The following GRIK3 variants were observed in gnomAD, a reference collection of about 807,000 sequenced individuals.
GRIK3 encodes glutamate ionotropic receptor kainate type subunit 3.
In GRIK3, 29 loss-of-function variants were observed where a neutral mutation model predicts 102.5. The observed-to-expected ratio is 0.28, with a 90% CI of 0.21 to 0.39. GRIK3 has a LOEUF of 0.39. GRIK3 is among the 10% of genes least tolerant of loss of function. The pLI, the probability that GRIK3 is intolerant of heterozygous loss-of-function variation, is 1.00. For synonymous variants in GRIK3, 511 were observed against 504.9 expected (o/e 1.01, Z -0.16); for missense variants, 908 against 1,252.4 (o/e 0.73, Z 4.15).
At chr1:36,896,957 A>G (rs914876745) in intron 1 of GRIK3, among the ~76,000 whole-genome samples, 10 of 152,208 alleles carry the variant, frequency 6.6e-5, no homozygotes, top group Non-Finnish European at 2.9e-5. Context: ...ACTATTCATG[A>G]TAAAAGACAC....
chr1:36,912,947 C>T (rs4653231), intron 1 of GRIK3, among the ~76,000 whole-genome samples: 1 of 152,192 alleles, frequency 6.6e-6, no homozygotes, highest in Admixed American at 6.5e-5. Flanking sequence ...ATCTCTCAGA[C>T]CATCTGTAAT....
intron 10 of GRIK3, among the ~76,000 whole-genome samples, chr1:36,832,090 GCTC>G (rs1444255523): frequency 6.9e-5 from 8 of 116,516 alleles, no homozygotes; most frequent in African/African-American, 2.6e-4. Flanking sequence ...CTGCTCTACT[GCTC>G]TCATCGCACC....
chr1:36,844,874 G>A (rs565365196), intron 9 of GRIK3, among the ~76,000 whole-genome samples: 1 of 152,266 alleles, frequency 6.6e-6, no homozygotes, highest in South Asian at 2.1e-4. Flanking sequence ...GTTGATAGCG[G>A]AAAACCATTT....
intron 9 of GRIK3, among the ~76,000 whole-genome samples, chr1:36,845,424 T>G (rs1349447352): frequency 6.6e-6 from 1 of 152,178 alleles, no homozygotes; most frequent in East Asian, 1.9e-4. Flanking sequence ...GGGCTCTTGG[T>G]CCGGTTTCTC....
intron 1 of GRIK3, among the ~76,000 whole-genome samples, chr1:36,977,881 A>C (rs992591568): frequency 3.9e-5 from 6 of 152,226 alleles, no homozygotes; most frequent in African/African-American, 1.4e-4. Flanking sequence ...GAGGCCCCAG[A>C]ACTCCATGTG....
chr1:36,806,355 A>C lies in GRIK3; in HGVS notation c.2092-29T>G. 1 of 1,462,306 alleles carries C rather than the reference A, an allele frequency of 6.8e-7. No individual in the cohort carries two copies. The highest frequency in any genetic ancestry group is 9.5e-7 in the Non-Finnish European group (1 of 1,047,430). The allele number at this position is 1,462,306 out of a possible 1,614,324, so 90.6% of individuals were successfully genotyped here. ...GGCCGTGAGGGAAGGGGTGATGCAC[A>C]CACCGTTACTAGGCGCACCAGGGAC... On this transcript the variant is annotated intron_variant, in intron 13 of 15. Transcript: ENST00000373091. The surrounding 1 kb of genome is among the most constrained non-coding windows in gnomAD (Gnocchi z 4.0).
intron 8 of GRIK3, among the ~76,000 whole-genome samples, chr1:36,853,178 G>A (rs1166585811): frequency 6.6e-6 from 1 of 152,214 alleles, no homozygotes; most frequent in African/African-American, 2.4e-5. Flanking sequence ...GTGACAGTGA[G>A]CTCACTACTC....
chr1:36,883,787 T>C (rs1452761041), intron 2 of GRIK3, among the ~76,000 whole-genome samples: 1 of 152,200 alleles, frequency 6.6e-6, no homozygotes, highest in African/African-American at 2.4e-5. Context: ...TTGATCCAGA[T>C]TGATCCAGAG....
chr1:36,914,090 G>A (rs1488264419), intron 1 of GRIK3, among the ~76,000 whole-genome samples: 5 of 152,210 alleles, frequency 3.3e-5, no homozygotes, highest in African/African-American at 2.4e-5. Context: ...CCACGGTGCC[G>A]GGGCAGGTGT....
At chr1:37,014,890 TCTC>T (rs1642637625) in intron 1 of GRIK3, among the ~76,000 whole-genome samples, 1 of 150,962 alleles carries the variant, frequency 6.6e-6, no homozygotes, top group African/African-American at 2.4e-5. Flanking sequence ...TCTATTCTCT[TCTC>T]TCTCTCTATC....
chr1:36,989,836 C>T (rs149875850), intron 1 of GRIK3, among the ~76,000 whole-genome samples: 501 of 152,352 alleles, frequency 3.3e-3, no homozygotes, highest in Admixed American at 5.4e-3. Context: ...ACCAACAATA[C>T]AGTGATAACC....
chr1:36,998,734 C>T (rs750152565), intron 1 of GRIK3, among the ~76,000 whole-genome samples: 1 of 152,174 alleles, frequency 6.6e-6, no homozygotes, highest in South Asian at 2.1e-4. Context: ...TTGCTCTTCC[C>T]AGGGTCCCAT....
intron 1 of GRIK3, among the ~76,000 whole-genome samples, chr1:36,955,042 T>C (rs998110302): frequency 6.6e-6 from 1 of 152,180 alleles, no homozygotes; most frequent in Non-Finnish European, 1.5e-5. Flanking sequence ...CTATAAGTGG[T>C]GTCAGGGTGG....
Position 36,850,789 on chromosome 1 carries a change from G to T in GRIK3, c.1213-365C>A, listed in dbSNP as rs1640575896. Among the ~76,000 whole-genome samples, 1 of 152,220 alleles carries T rather than the reference G, an allele frequency of 6.6e-6. No individual in the cohort carries two copies. Among genetic ancestry groups the T allele is most frequent in the Non-Finnish European group, 1.5e-5 (1 of 68,044 alleles). ...GGGCTGGAGGGAATCAGGGGTCTAT[G>T]GTCAGTGCCAGGTCTTGCCCTGGGA... On this transcript the variant is annotated intron_variant, in intron 8 of 15. Coordinates refer to ENST00000373091, the MANE Select transcript of GRIK3 (RefSeq NM_000831.4). This position sits in a 1 kb window ranked among gnomAD's most constrained non-coding sequence, Gnocchi z 4.0.
chr1:36,936,491 G>T (rs1043357037), intron 1 of GRIK3, among the ~76,000 whole-genome samples: 32 of 152,304 alleles, frequency 2.1e-4, no homozygotes, highest in African/African-American at 7.2e-4. Context: ...GTATGAGTTT[G>T]CCAGAAGCCA....
chr1:37,001,320 C>G (rs974491578), intron 1 of GRIK3, among the ~76,000 whole-genome samples: 3 of 152,166 alleles, frequency 2.0e-5, no homozygotes, highest in Non-Finnish European at 4.4e-5. Context: ...AAGCAAAAAT[C>G]AATTGTATTT....
At chr1:36,927,053 TAA>T (rs978423216) in intron 1 of GRIK3, among the ~76,000 whole-genome samples, 1 of 152,182 alleles carries the variant, frequency 6.6e-6, no homozygotes, top group African/African-American at 2.4e-5. Context: ...CATACACAAA[TAA>T]AGTGTCATGT....
intron 1 of GRIK3, among the ~76,000 whole-genome samples, chr1:37,008,807 G>A (rs1642558342): frequency 6.6e-6 from 1 of 152,208 alleles, no homozygotes; most frequent in Non-Finnish European, 1.5e-5. Context: ...AAATGCCAGG[G>A]AGATGAATGG....
chr1:36,889,456 G>A lies in GRIK3; in HGVS notation c.292+1464C>T, dbSNP rs113509972. On this transcript the variant is annotated intron_variant, in intron 2 of 15. Transcript: ENST00000373091. ...GGGGCTAGACTGGAAAGGCCCTCAT[G>A]GGCTCTAATGACGATTTGGGGAAAG... Among the ~76,000 whole-genome samples, 506 of 152,178 alleles carry A rather than the reference G, an allele frequency of 3.3e-3. 4 individuals are homozygous for A. The highest frequency in any genetic ancestry group is 0.012 in the African/African-American group (482 of 41,520).
Sources: gnomAD v4.1 joint callset for allele counts (sites outside exome capture counted in the v4.1 genomes callset) on GRCh38, gnomAD v4.1.1 for gene constraint, Gnocchi (gnomAD v3.1) non-coding constraint, MANE v1.5 for transcripts, NCBI Gene and HGNC (gene_info 2026-07-23, HGNC 2026-07-21) for gene names.